Variants in SLCO1A2 observed in about 807,000 individuals in gnomAD.
SLCO1A2 encodes OATP-1.
A neutral mutation model predicts 69.0 loss-of-function variants in SLCO1A2; 67 were observed. The ratio of observed to expected loss-of-function variants is 0.97; its 90% confidence interval spans 0.80 to 1.19. The LOEUF is 1.19. Among genes scored for constraint, SLCO1A2 ranks in the 50% most tolerant of loss-of-function variants. SLCO1A2 has a pLI of 0.00. For synonymous variants in SLCO1A2, 260 were observed against 265.9 expected, an observed-to-expected ratio of 0.98 and a Z score of 0.22; for missense variants, 787 against 793.7, an observed-to-expected ratio of 0.99 and a Z score of 0.10.
In SLCO1A2 at chr12:21,331,371, G is replaced by T. The variant is rs555613682; in HGVS notation, c.60+3217C>A. Among the ~76,000 whole-genome samples the T allele has an allele frequency of 2.6e-5, 4 of 152,210 alleles. No homozygotes were observed. In the South Asian group the frequency reaches 6.2e-4, roughly 24 times the overall value. On this transcript the variant is annotated intron_variant, in intron 2 of 14. Transcript: ENST00000683939. ...CAGGAAGCTGCAACAGAAACCAAGCGCATAATTTGTTTGTTTTCTTTTTTT... is the reference window on the plus strand; with the variant it reads ...CAGGAAGCTGCAACAGAAACCAAGCTCATAATTTGTTTGTTTTCTTTTTTT...
intron 1 of SLCO1A2, among the ~76,000 whole-genome samples, chr12:21,415,714 T>A (rs1208785250): frequency 6.6e-6 from 1 of 152,114 alleles, no homozygotes; most frequent in African/African-American, 2.4e-5. Flanking sequence ...TTTTTCTTTG[T>A]CTTTGTTAGT....
intron 1 of SLCO1A2, among the ~76,000 whole-genome samples, chr12:21,383,066 T>C (rs1286705586): frequency 3.3e-5 from 5 of 152,200 alleles, no homozygotes; most frequent in Non-Finnish European, 7.4e-5. Flanking sequence ...GGGACTAAAA[T>C]AGTTATTCAC....
intron 4 of SLCO1A2, among the ~76,000 whole-genome samples, chr12:21,314,090 C>A (rs7963398): frequency 0.37 from 55,601 of 151,708 alleles, 10,860 homozygotes; most frequent in African/African-American, 0.5. Context: ...ACAAGGGAGA[C>A]CTTTTTGTCA....
At chr12:21,375,787 T>A (rs747786655) in intron 1 of SLCO1A2, among the ~76,000 whole-genome samples, 73 of 152,210 alleles carry the variant, frequency 4.8e-4, no homozygotes, top group Non-Finnish European at 9.6e-4. Flanking sequence ...TGGCTTATTG[T>A]CATCTCTGTT....
At chr12:21,346,563 C>T (rs939563580) in intron 2 of SLCO1A2, among the ~76,000 whole-genome samples, 3 of 151,712 alleles carry the variant, frequency 2.0e-5, no homozygotes, top group Admixed American at 6.6e-5. Context: ...AGGAAAATGA[C>T]TTTTGTTCTT....
intron 9 of SLCO1A2, among the ~76,000 whole-genome samples, chr12:21,296,929 G>C (rs539848594): frequency 6.6e-6 from 1 of 152,168 alleles, no homozygotes; most frequent in African/African-American, 2.4e-5. Context: ...AACCACTGAG[G>C]TTAGTGTGGT....
At chr12:21,381,199 A>T (rs1940566995) in intron 1 of SLCO1A2, among the ~76,000 whole-genome samples, 1 of 152,186 alleles carries the variant, frequency 6.6e-6, no homozygotes, top group African/African-American at 2.4e-5. Flanking sequence ...TCTGCACAGC[A>T]GGAGAAATAA....
chr12:21,320,702 T>C (rs1361000871), intron 2 of SLCO1A2, among the ~76,000 whole-genome samples: 1 of 152,142 alleles, frequency 6.6e-6, no homozygotes, highest in African/African-American at 2.4e-5. Flanking sequence ...TTTCACCATG[T>C]TGGCCAGGCT....
chr12:21,359,663 C>A (rs1017651930), intron 2 of SLCO1A2, among the ~76,000 whole-genome samples: 11 of 151,646 alleles, frequency 7.3e-5, no homozygotes, highest in Non-Finnish European at 4.4e-5. Context: ...AGGAGAATGG[C>A]ATGAACCCAG....
intron 12 of SLCO1A2, among the ~76,000 whole-genome samples, chr12:21,282,810 A>C (rs1259086348): frequency 6.6e-6 from 1 of 152,142 alleles, no homozygotes; most frequent in African/African-American, 2.4e-5. Flanking sequence ...CAGTCTAAAA[A>C]AAAGTAATTC....
intron 4 of SLCO1A2, among the ~76,000 whole-genome samples, chr12:21,310,656 CA>C (rs777228507): frequency 1.1e-4 from 16 of 152,302 alleles, no homozygotes; most frequent in Admixed American, 5.9e-4. Flanking sequence ...GGCTGGAGTG[CA>C]AGTGGCACGA....
upstream of SLCO1A2, among the ~76,000 whole-genome samples, chr12:21,399,633 A>G (rs112647935): frequency 2.6e-5 from 2 of 75,946 alleles, no homozygotes; most frequent in Non-Finnish European, 5.6e-5. Context: ...CTATACTACA[A>G]GGCTACAGTA....
At chr12:21,405,050 T>C (rs183932312) in intron 1 of SLCO1A2, among the ~76,000 whole-genome samples, 4 of 151,168 alleles carry the variant, frequency 2.6e-5, no homozygotes, top group Non-Finnish European at 5.9e-5. Context: ...GAAGTGTCTG[T>C]TCATGTCCTT....
intron 2 of SLCO1A2, among the ~76,000 whole-genome samples, chr12:21,340,602 A>G (rs946836596): frequency 3.3e-5 from 5 of 151,990 alleles, no homozygotes; most frequent in Non-Finnish European, 7.4e-5. Context: ...GACGTAATCC[A>G]GTGACCACAT....
At chr12:21,381,720 C>T (rs1011042832) in intron 1 of SLCO1A2, among the ~76,000 whole-genome samples, 9 of 152,050 alleles carry the variant, frequency 5.9e-5, no homozygotes, top group African/African-American at 9.7e-5. Context: ...CACTTGAACC[C>T]GGGAGGCAGA....
chr12:21,299,994 A>G (rs1948471962), intron 8 of SLCO1A2, among the ~76,000 whole-genome samples: 1 of 144,084 alleles, frequency 6.9e-6, no homozygotes, highest in Non-Finnish European at 1.5e-5. Context: ...ATATGTGTGT[A>G]GATATATGTG....
At chr12:21,366,177 A>T (rs966046670) in intron 2 of SLCO1A2, among the ~76,000 whole-genome samples, 9 of 152,218 alleles carry the variant, frequency 5.9e-5, no homozygotes, top group Non-Finnish European at 1.2e-4. Context: ...AGACTGGATT[A>T]AGAAAATGTG....
At position 21,306,869 on chromosome 12, in the gene SLCO1A2, T is replaced by C. The variant is rs767790202; in HGVS notation, c.442+13A>G. The C allele has an allele frequency of 6.3e-7, 1 of 1,590,102 alleles. No individual in the cohort carries two copies. Among genetic ancestry groups the C allele is most frequent in the Non-Finnish European group, 8.6e-7 (1 of 1,158,684 alleles). ...GTTCGCTGAACAAAAATCAATACAA[T>C]GAAGTAGACAACCTGATGGATCCTG... On this transcript the variant is annotated intron_variant, in intron 5 of 14. Transcript: ENST00000683939.
rs181062302 is a variant in SLCO1A2, at chr12:21,303,227, T to G, written c.589+1200A>C. On this transcript the variant is annotated intron_variant, in intron 6 of 14. Transcript: ENST00000683939. ...GGACCACATCATCCTCATTTTAATATGTATAGAGATTATCACAGCTACATT... is the reference window on the plus strand; with the variant it reads ...GGACCACATCATCCTCATTTTAATAGGTATAGAGATTATCACAGCTACATT... Among the ~76,000 whole-genome samples, 218 of 151,018 alleles carry G rather than the reference T, an allele frequency of 1.4e-3. 1 individual carries two copies. Among genetic ancestry groups the G allele is most frequent in the African/African-American group, 5.1e-3 (206 of 40,334 alleles).
Sources: allele counts gnomAD v4.1 joint callset (sites outside exome capture counted in the v4.1 genomes callset), GRCh38; gene constraint gnomAD v4.1.1; transcripts MANE v1.5; gene names NCBI Gene and HGNC (gene_info 2026-07-23, HGNC 2026-07-21).